PCDH15: variants seen among roughly 807,000 people sequenced by gnomAD.
The protein encoded by PCDH15 is protocadherin related 15.
PCDH15 carries 129 observed loss-of-function variants against 178.5 expected under a neutral mutation model. The ratio of observed to expected loss-of-function variants is 0.72; its 90% confidence interval spans 0.63 to 0.84. The LOEUF (loss-of-function observed/expected upper bound fraction) is 0.84. Among genes scored for constraint, PCDH15 ranks in the 40% least tolerant of loss-of-function variants. The pLI is 0.00. For missense variants in PCDH15, 2,230 were observed against 2,099.9 expected, an observed-to-expected ratio of 1.06 and a Z score of -1.21; for synonymous variants, 800 against 732.0, an observed-to-expected ratio of 1.09 and a Z score of -1.50.
intron 3 of PCDH15, among the ~76,000 whole-genome samples, chr10:54,413,487 G>A (rs1189750651): frequency 6.6e-6 from 1 of 152,116 alleles, no homozygotes; most frequent in African/African-American, 2.4e-5. Flanking sequence ...CAAAACCTTA[G>A]TGCTAGCTCA....
chr10:55,626,680 C>T (rs183934968), intron 2 of PCDH15, among the ~76,000 whole-genome samples: 1 of 152,146 alleles, frequency 6.6e-6, no homozygotes, highest in African/African-American at 2.4e-5. Flanking sequence ...CCTTTTCTAA[C>T]AATTCATGTA....
chr10:55,178,386 T>G (rs1839553257), intron 1 of PCDH15, among the ~76,000 whole-genome samples: 1 of 152,272 alleles, frequency 6.6e-6, no homozygotes. Context: ...CTCTTGGGAA[T>G]ACACCTTTCA....
intron 21 of PCDH15, among the ~76,000 whole-genome samples, chr10:53,991,095 AC>A (rs2091445059): frequency 6.6e-6 from 1 of 150,866 alleles, no homozygotes. Flanking sequence ...AACCCCCCCC[AC>A]CCCCGTGGGC....
intron 2 of PCDH15, among the ~76,000 whole-genome samples, chr10:55,403,564 AG>A (rs1353205749): frequency 6.6e-6 from 1 of 151,890 alleles, no homozygotes; most frequent in Non-Finnish European, 1.5e-5. Flanking sequence ...ATAGGGGTCT[AG>A]CTTCCTTCTT....
intron 1 of PCDH15, among the ~76,000 whole-genome samples, chr10:55,239,730 A>G (rs1841489970): frequency 6.6e-6 from 1 of 152,172 alleles, no homozygotes; most frequent in Non-Finnish European, 1.5e-5. Context: ...AAAGGAAACA[A>G]TCAGCAAAGT....
chr10:54,294,031 C>A (rs567997831), intron 8 of PCDH15, among the ~76,000 whole-genome samples: 4 of 152,206 alleles, frequency 2.6e-5, no homozygotes, highest in Admixed American at 2.0e-4. Flanking sequence ...ATGTTTATTG[C>A]AGCACTATTC....
chr10:53,899,145 G>GGT (rs988805937), intron 26 of PCDH15, among the ~76,000 whole-genome samples: 2 of 149,460 alleles, frequency 1.3e-5, no homozygotes, highest in Admixed American at 1.3e-4. Flanking sequence ...TTTTTTTCGG[G>GGT]GGGGGGTGGT....
At chr10:54,194,062 GA>G (rs10629717) in intron 11 of PCDH15, among the ~76,000 whole-genome samples, 19,359 of 117,810 alleles carry the variant, frequency 0.16, 2,839 homozygotes, top group East Asian at 0.83. Context: ...AGGAAAGATT[GA>G]AAAAAAAAAA....
chr10:54,207,934 T>C (rs1309466095), intron 10 of PCDH15, among the ~76,000 whole-genome samples: 1 of 152,080 alleles, frequency 6.6e-6, no homozygotes, highest in African/African-American at 2.4e-5. Context: ...AGTGATCTTA[T>C]ATAGAGAGTC....
chr10:55,024,872 G>A (rs1840434842), intron 2 of PCDH15, among the ~76,000 whole-genome samples: 1 of 151,874 alleles, frequency 6.6e-6, no homozygotes, highest in African/African-American at 2.4e-5. Flanking sequence ...TCTTAACTTG[G>A]CTGCCTGCCA....
At chr10:54,077,530 C>G (rs2094362773) in intron 17 of PCDH15, among the ~76,000 whole-genome samples, 1 of 152,074 alleles carries the variant, frequency 6.6e-6, no homozygotes, top group Non-Finnish European at 1.5e-5. Context: ...ATGTATTATC[C>G]TTTCTTTTTT....
intron 1 of PCDH15, among the ~76,000 whole-genome samples, chr10:55,236,521 G>A (rs1841390180): frequency 6.6e-6 from 1 of 152,022 alleles, no homozygotes; most frequent in African/African-American, 2.4e-5. Context: ...CAAATATTGA[G>A]CAATTTGTGC....
intron 2 of PCDH15, among the ~76,000 whole-genome samples, chr10:54,569,867 G>A (rs1018505282): frequency 2.6e-5 from 4 of 152,054 alleles, no homozygotes; most frequent in Admixed American, 6.6e-5. Context: ...AAGATTTCTC[G>A]TAGGTGGTGT....
Position 53,827,435 on chromosome 10 carries a change from G to A in PCDH15, c.4325C>T (p.Pro1442Leu), listed in dbSNP as rs1397371546. Reference protein sequence around the residue: ...VAAPPPPPPPPPGAHLYEELG... With the variant: ...VAAPPPPPPPLPGAHLYEELG... ...TTCTTCATAGAGATGCGCACCTGGC[G>A]GAGGCGGCGGCGGCGGCGGGGGCGC... The change falls in exon 32 of 38, where the codon CCG (proline) becomes CTG (leucine). Residue 1442 changes from proline (P) to leucine (L), a missense_variant. Coordinates refer to ENST00000644397, the MANE Select transcript of PCDH15 (RefSeq NM_001384140.1). The A allele has an allele frequency of 3.1e-6, 5 of 1,613,178 alleles. No individual in the cohort carries two copies. Among genetic ancestry groups the A allele is most frequent in the Middle Eastern group, 1.6e-4 (1 of 6,080 alleles).
intron 3 of PCDH15, among the ~76,000 whole-genome samples, chr10:54,845,154 C>T (rs925160352): frequency 2.3e-4 from 35 of 150,616 alleles, no homozygotes; most frequent in African/African-American, 8.3e-4. Context: ...TTGCAATGTG[C>T]TTAATTACTT....
At chr10:54,022,842 G>A in intron 19 of PCDH15, 50 bp downstream of exon 19, 1 of 1,595,262 alleles carries the variant, frequency 6.3e-7, no homozygotes, top group Middle Eastern at 1.7e-4. Flanking sequence ...AACCCTAATA[G>A]CAAATCTCCT....
At chr10:53,831,604 T>C (rs1204852660) in intron 29 of PCDH15, 71 bp from the exon 30 acceptor site, 2 of 1,121,842 alleles carry the variant, frequency 1.8e-6, no homozygotes, top group Non-Finnish European at 2.6e-6. Flanking sequence ...TAAAATCTTT[T>C]TGTAAGATCT....
intron 3 of PCDH15, among the ~76,000 whole-genome samples, chr10:54,401,956 A>T (rs1421094529): frequency 6.6e-6 from 1 of 151,932 alleles, no homozygotes. Context: ...TAAAAAGTAC[A>T]CATGAATATC....
chr10:54,177,810 T>A (rs2047589788), intron 13 of PCDH15, among the ~76,000 whole-genome samples: 1 of 152,126 alleles, frequency 6.6e-6, no homozygotes, highest in African/African-American at 2.4e-5. Flanking sequence ...TTTGAGTGTC[T>A]GTGTTTGTTT....
Sources: allele counts gnomAD v4.1 joint callset (sites outside exome capture counted in the v4.1 genomes callset), GRCh38; gene constraint gnomAD v4.1.1; transcripts MANE v1.5; gene names NCBI Gene and HGNC (gene_info 2026-07-23, HGNC 2026-07-21).